Variants in PRKN observed in about 807,000 individuals in gnomAD.
The protein encoded by PRKN is parkin RBR E3 ubiquitin protein ligase.
A neutral mutation model predicts 59.5 loss-of-function variants in PRKN; 56 were observed. That is an observed-to-expected ratio of 0.94 (90% CI 0.76 to 1.18). PRKN has a LOEUF of 1.18. Ranked by LOEUF, PRKN falls within the 50% of genes most tolerant of loss-of-function variation. The pLI, the probability that PRKN is intolerant of heterozygous loss-of-function variation, is 0.00. For missense variants in PRKN, 657 were observed against 596.4 expected (o/e 1.10, Z -1.06); for synonymous variants, 250 against 222.1 (o/e 1.13, Z -1.12).
At chr6:162,509,273 G>T (rs1793743798) in intron 1 of PRKN, among the ~76,000 whole-genome samples, 1 of 151,960 alleles carries the variant, frequency 6.6e-6, no homozygotes, top group South Asian at 2.1e-4. Flanking sequence ...TTCCAACCTG[G>T]TATCCATTAG....
chr6:161,621,559 C>G (rs995121867), intron 7 of PRKN, among the ~76,000 whole-genome samples: 1 of 152,090 alleles, frequency 6.6e-6, no homozygotes, highest in Non-Finnish European at 1.5e-5. Flanking sequence ...GAATGGGGCC[C>G]GTCCACATTA....
rs1425908705 is a variant in PRKN, at chr6:162,232,956, T to C, written c.412+29569A>G. Among the ~76,000 whole-genome samples the C allele has an allele frequency of 3.9e-5, 6 of 152,098 alleles. No homozygotes were observed. The East Asian group carries it at 9.6e-4, about 24-fold the overall frequency. ...TAAAAAAAAAAGTCATGGTAAATAA[T>C]TGAGTAAAAGAGGAAATACACACCA... On this transcript the variant is annotated intron_variant, in intron 3 of 11. Transcript: ENST00000366898.
At chr6:162,652,941 C>T (rs1778502192) in intron 1 of PRKN, among the ~76,000 whole-genome samples, 1 of 152,054 alleles carries the variant, frequency 6.6e-6, no homozygotes, top group South Asian at 2.1e-4. Flanking sequence ...TAAAACAGGC[C>T]TTTCAGAGAT....
At chr6:162,538,392 G>A (rs1298920981) in intron 1 of PRKN, among the ~76,000 whole-genome samples, 1 of 151,996 alleles carries the variant, frequency 6.6e-6, no homozygotes, top group African/African-American at 2.4e-5. Context: ...GCCAAACTCT[G>A]TCTCTAAATA....
At chr6:162,553,409 A>C (rs1047888072) in intron 1 of PRKN, among the ~76,000 whole-genome samples, 6 of 137,690 alleles carry the variant, frequency 4.4e-5, no homozygotes, top group African/African-American at 1.5e-4. Flanking sequence ...TATTAGAAGC[A>C]AGGGATAGAT....
At chr6:161,851,776 C>T (rs2128222590) in intron 6 of PRKN, among the ~76,000 whole-genome samples, 1 of 150,606 alleles carries the variant, frequency 6.6e-6, no homozygotes, top group Non-Finnish European at 1.5e-5. Flanking sequence ...GCACCTGGCC[C>T]AAATAACGTG....
At chr6:162,310,072 A>T (rs376344810) in intron 2 of PRKN, among the ~76,000 whole-genome samples, 2 of 152,310 alleles carry the variant, frequency 1.3e-5, no homozygotes, top group East Asian at 3.9e-4. Context: ...ATAGTATTCA[A>T]TGGTGTATAT....
intron 1 of PRKN, among the ~76,000 whole-genome samples, chr6:162,543,980 A>C (rs1779022411): frequency 6.6e-6 from 1 of 152,172 alleles, no homozygotes; most frequent in South Asian, 2.1e-4. Context: ...GGTTTAGCAA[A>C]ATCAAAATTC....
At chr6:162,310,809 TTTATGTACAA>T (rs11277353) in intron 2 of PRKN, among the ~76,000 whole-genome samples, 5,781 of 151,672 alleles carry the variant, frequency 0.038, 351 homozygotes, top group African/African-American at 0.13. Context: ...ACATGAAGGT[TTTATGTACAA>T]TTTTTAAAAA....
intron 1 of PRKN, among the ~76,000 whole-genome samples, chr6:162,554,596 G>C (rs1779476203): frequency 1.3e-5 from 2 of 152,050 alleles, no homozygotes; most frequent in South Asian, 4.1e-4. Context: ...TGAGGTGGCG[G>C]GGGGCAGGAG....
chr6:162,250,902 TTTTTTAGCAAAATTA>T (rs1779406598), intron 3 of PRKN, among the ~76,000 whole-genome samples: 1 of 86,322 alleles, frequency 1.2e-5, no homozygotes, highest in African/African-American at 5.7e-5. Flanking sequence ...TGTATTTGGG[TTTTTTAGCAAAATTA>T]TGACTTGTTA....
chr6:161,794,482 C>G (rs1790759446), intron 6 of PRKN, among the ~76,000 whole-genome samples: 1 of 152,108 alleles, frequency 6.6e-6, no homozygotes. Context: ...CAGCAGCTCA[C>G]CCCAGCAACA....
chr6:161,974,137 C>T (rs1780934980), intron 5 of PRKN, among the ~76,000 whole-genome samples: 2 of 152,160 alleles, frequency 1.3e-5, no homozygotes, highest in Admixed American at 1.3e-4. Context: ...CATGACGGCA[C>T]ATGACTGTAA....
chr6:161,696,312 G>C (rs965660559), intron 7 of PRKN, among the ~76,000 whole-genome samples: 1 of 152,150 alleles, frequency 6.6e-6, no homozygotes, highest in Non-Finnish European at 1.5e-5. Flanking sequence ...ATATTTGGAC[G>C]GGATATTTGG....
intron 7 of PRKN, among the ~76,000 whole-genome samples, chr6:161,772,527 G>T (rs537501769): frequency 6.6e-6 from 1 of 152,314 alleles, no homozygotes; most frequent in Non-Finnish European, 1.5e-5. Context: ...TGAAGCAGTT[G>T]AGGACGTTGG....
intron 1 of PRKN, among the ~76,000 whole-genome samples, chr6:162,540,764 G>A (rs375351792): frequency 2.2e-3 from 328 of 147,352 alleles, no homozygotes; most frequent in African/African-American, 7.9e-3. Flanking sequence ...CCGAGATTGC[G>A]CCATTGCACT....
At chr6:161,959,094 T>C (rs750726899) in intron 6 of PRKN, among the ~76,000 whole-genome samples, 5 of 152,226 alleles carry the variant, frequency 3.3e-5, no homozygotes, top group South Asian at 2.1e-4. Flanking sequence ...CACTGTACAC[T>C]TTCTCTTCTA....
intron 1 of PRKN, among the ~76,000 whole-genome samples, chr6:162,457,459 T>C (rs1301330004): frequency 6.6e-6 from 1 of 152,142 alleles, no homozygotes; most frequent in African/African-American, 2.4e-5. Context: ...CTTAAACCTA[T>C]AATAAAATTT....
intron 1 of PRKN, among the ~76,000 whole-genome samples, chr6:162,539,616 A>C (rs1181492453): frequency 6.6e-6 from 1 of 152,178 alleles, no homozygotes; most frequent in Non-Finnish European, 1.5e-5. Flanking sequence ...ATTAAACATC[A>C]GACAAAAAAA....
Sources: allele counts gnomAD v4.1 joint callset (sites outside exome capture counted in the v4.1 genomes callset), GRCh38; gene constraint gnomAD v4.1.1; transcripts MANE v1.5; gene names NCBI Gene and HGNC (gene_info 2026-07-23, HGNC 2026-07-21).